TSHZ2: variants seen among roughly 807,000 people sequenced by gnomAD.
The protein encoded by TSHZ2 is teashirt homolog 2.
In TSHZ2, 21 loss-of-function variants were observed where a neutral mutation model predicts 74.4. The observed-to-expected ratio is 0.28, with a 90% confidence interval of 0.20 to 0.41. TSHZ2 has a LOEUF of 0.41. Ranked by LOEUF, TSHZ2 falls within the 10% of genes least tolerant of loss-of-function variation. The pLI, the probability that TSHZ2 is intolerant of heterozygous loss-of-function variation, is 1.00. For missense variants in TSHZ2, 1,244 were observed against 1,293.5 expected, an observed-to-expected ratio of 0.96 and a Z score of 0.59; for synonymous variants, 540 against 515.3, an observed-to-expected ratio of 1.05 and a Z score of -0.65.
chr20:53,346,643 C>T (rs1004985110), intron 2 of TSHZ2, among the ~76,000 whole-genome samples: 1 of 152,154 alleles, frequency 6.6e-6, no homozygotes, highest in African/African-American at 2.4e-5. Context: ...TTGAGGGCCC[C>T]GTCTAGGGTA....
chr20:53,032,394 G>A (rs1219390938), intron 1 of TSHZ2, among the ~76,000 whole-genome samples: 1 of 152,194 alleles, frequency 6.6e-6, no homozygotes, highest in Non-Finnish European at 1.5e-5. Context: ...TCAAAAAGAA[G>A]CTTTGAAATT....
chr20:53,400,960 A>G (rs985776185), intron 2 of TSHZ2, among the ~76,000 whole-genome samples: 8 of 152,204 alleles, frequency 5.3e-5, no homozygotes, highest in Admixed American at 2.0e-4. Context: ...AACATGTCCT[A>G]AGCATTATGT....
Position 53,493,289 on chromosome 20 carries a change from A to G in TSHZ2, c.*6154A>G, listed in dbSNP as rs1169411691. On this transcript the variant is annotated 3_prime_UTR_variant, in exon 3 of 3. Coordinates refer to ENST00000371497, the MANE Select transcript of TSHZ2 (RefSeq NM_173485.6). ...TGAAAGAATTAGATCTGAGTTTACA[A>G]AGAAACTATAAGAACCAAGTTTGTC... 6.6e-6 allele frequency: 1 copy of G among 152,242 alleles called. No homozygotes were observed. The highest frequency in any genetic ancestry group is 1.5e-5 in the Non-Finnish European group (1 of 68,040). The allele number at this position is 152,242 out of a possible 1,614,324, so 9.4% of individuals were successfully genotyped here.
chr20:53,381,912 C>G (rs1045238920), intron 2 of TSHZ2, among the ~76,000 whole-genome samples: 1 of 152,236 alleles, frequency 6.6e-6, no homozygotes, highest in Non-Finnish European at 1.5e-5. Context: ...GTGGGCATTG[C>G]TTTCTCTGCC....
chr20:53,042,325 G>T (rs1033831189), intron 1 of TSHZ2, among the ~76,000 whole-genome samples: 1 of 152,072 alleles, frequency 6.6e-6, no homozygotes, highest in Non-Finnish European at 1.5e-5. Flanking sequence ...TTCTTTAATT[G>T]TTAGATTGTA....
chr20:53,310,411 A>G (rs1278196006), intron 2 of TSHZ2, among the ~76,000 whole-genome samples: 5 of 152,324 alleles, frequency 3.3e-5, no homozygotes, highest in Admixed American at 6.5e-5. Context: ...CTGCTGTGAA[A>G]CTAATTACCC....
intron 1 of TSHZ2, among the ~76,000 whole-genome samples, chr20:53,030,004 T>C (rs1319937946): frequency 2.0e-5 from 3 of 152,196 alleles, no homozygotes; most frequent in Admixed American, 1.3e-4. Context: ...GATCAACTCT[T>C]GTTTTAACAT....
At chr20:53,209,868 CG>C (rs1989258417) in intron 1 of TSHZ2, among the ~76,000 whole-genome samples, 1 of 151,914 alleles carries the variant, frequency 6.6e-6, no homozygotes, top group Non-Finnish European at 1.5e-5. Context: ...AGGCTCTCAC[CG>C]GGATGGCACA....
At chr20:52,977,838 G>T (rs777473009) in intron 1 of TSHZ2, among the ~76,000 whole-genome samples, 2 of 152,196 alleles carry the variant, frequency 1.3e-5, no homozygotes, top group African/African-American at 4.8e-5. Flanking sequence ...CAGGGGCTCC[G>T]GGAAACTTCT....
At chr20:52,988,128 G>T (rs1208310593) in intron 1 of TSHZ2, among the ~76,000 whole-genome samples, 1 of 151,994 alleles carries the variant, frequency 6.6e-6, no homozygotes, top group Non-Finnish European at 1.5e-5. Flanking sequence ...TGATAAAAAC[G>T]ATGATGGTGC....
At chr20:53,321,486 C>A (rs1979259755) in intron 2 of TSHZ2, among the ~76,000 whole-genome samples, 1 of 151,880 alleles carries the variant, frequency 6.6e-6, no homozygotes, top group African/African-American at 2.4e-5. Flanking sequence ...GAGTTCAAGA[C>A]CAGCCTAGCC....
At chr20:53,057,524 T>C (rs1600669161) in intron 1 of TSHZ2, among the ~76,000 whole-genome samples, 1 of 152,192 alleles carries the variant, frequency 6.6e-6, no homozygotes, top group Admixed American at 6.5e-5. Context: ...GAAATCATAA[T>C]AATTCATTTG....
At chr20:53,469,876 GA>G (rs1429595715) in intron 2 of TSHZ2, among the ~76,000 whole-genome samples, 1 of 135,034 alleles carries the variant, frequency 7.4e-6, no homozygotes, top group South Asian at 2.5e-4. Flanking sequence ...ACCCAAGAAA[GA>G]AAAAAAAGAG....
chr20:53,388,748 A>G (rs1438946935), intron 2 of TSHZ2, among the ~76,000 whole-genome samples: 1 of 151,632 alleles, frequency 6.6e-6, no homozygotes, highest in Non-Finnish European at 1.5e-5. Context: ...TGCCTGGCTA[A>G]TTTTGTATTT....
In TSHZ2 at chr20:53,488,755, T is replaced by G. The variant is rs1986363535; in HGVS notation, c.*1620T>G. The G allele has an allele frequency of 3.1e-6, 1 of 322,470 alleles. No homozygotes were observed. Among genetic ancestry groups the G allele is most frequent in the Non-Finnish European group, 6.0e-6 (1 of 165,538 alleles). The allele number at this position is 322,470 out of a possible 1,614,324, so 20.0% of individuals were successfully genotyped here. A position where few individuals can be genotyped will look rare whatever the true frequency, so the allele number is the denominator to read the frequency against. On this transcript the variant is annotated 3_prime_UTR_variant, in exon 3 of 3. Transcript: ENST00000371497. The stretch of plus-strand genomic sequence containing the variant: ...TGACAAAATGAAACCAAATATCTCT[T>G]CCTCACCATTTCTCAAGGAGGCTGC...
chr20:53,301,594 C>A (rs1270537969), intron 2 of TSHZ2, among the ~76,000 whole-genome samples: 1 of 152,162 alleles, frequency 6.6e-6, no homozygotes, highest in Non-Finnish European at 1.5e-5. Flanking sequence ...AATACCTCAA[C>A]CAAACGACGT....
intron 1 of TSHZ2, among the ~76,000 whole-genome samples, chr20:53,098,995 C>G (rs1296746450): frequency 6.6e-6 from 1 of 152,158 alleles, no homozygotes; most frequent in Non-Finnish European, 1.5e-5. Context: ...GATTCCATTG[C>G]CAATGAGTCT....
chr20:53,286,426 T>G (rs144344369), intron 2 of TSHZ2, among the ~76,000 whole-genome samples: 1 of 152,350 alleles, frequency 6.6e-6, no homozygotes, highest in African/African-American at 2.4e-5. Context: ...CATTAGAGAT[T>G]CTTTTTCAGG....
chr20:53,266,918 C>T lies in TSHZ2; in HGVS notation c.*8+10347C>T, dbSNP rs149974947. On this transcript the variant is annotated intron_variant, in intron 2 of 2. Transcript: ENST00000371497. ...TCAGCCTCCTGAGTAGCTGAGCTTA[C>T]GGGTGCCACCACCACACTCAGCTAA... Among the ~76,000 whole-genome samples, 29 of 152,036 alleles carry T rather than the reference C, an allele frequency of 1.9e-4. No homozygotes were observed. In the East Asian group the frequency reaches 2.7e-3, roughly 14 times the overall value.
Sources: gnomAD v4.1 joint callset for allele counts (sites outside exome capture counted in the v4.1 genomes callset) on GRCh38, gnomAD v4.1.1 for gene constraint, MANE v1.5 for transcripts, NCBI Gene and HGNC (gene_info 2026-07-23, HGNC 2026-07-21) for gene names.